Variants in RNF20 observed in about 807,000 individuals in gnomAD.
RNF20 encodes the protein E3 ubiquitin-protein ligase BRE1A.
Under a neutral mutation model 126.2 loss-of-function variants are expected in RNF20, and 84 were observed. That is an observed-to-expected ratio of 0.67 (90% CI 0.56 to 0.80). The LOEUF (loss-of-function observed/expected upper bound fraction) is 0.80. RNF20 is among the 30% of genes least tolerant of loss of function. The probability of loss-of-function intolerance (pLI) is 0.00; values close to 1 mark genes in which losing one functional copy is unlikely to be tolerated. For missense variants in RNF20, 869 were observed against 1,188.2 expected, an observed-to-expected ratio of 0.73 and a Z score of 3.95; for synonymous variants, 400 against 414.3, an observed-to-expected ratio of 0.97 and a Z score of 0.42.
At chr9:101,553,260 A>G (rs1827477898) in intron 13 of RNF20, among the ~76,000 whole-genome samples, 1 of 152,166 alleles carries the variant, frequency 6.6e-6, no homozygotes, top group Non-Finnish European at 1.5e-5. Context: ...TAACTTGTTG[A>G]ATTTTTCTGT....
At chr9:101,544,657 A>G (rs1827318417) in intron 5 of RNF20, 110 bp from the exon 6 acceptor site, 5 of 684,894 alleles carry the variant, frequency 7.3e-6, no homozygotes, top group Admixed American at 7.1e-5. Flanking sequence ...CAGTGAGCCG[A>G]GATCGCGCCA....
chr9:101,547,131 C>T lies in RNF20; in HGVS notation c.895-6C>T. On this transcript the variant is annotated splice_region_variant and splice_polypyrimidine_tract_variant and intron_variant, in intron 7 of 19. Coordinates refer to ENST00000389120, the MANE Select transcript of RNF20 (RefSeq NM_019592.7). ...TCTCACTAAAGAATCTTTGTGTTCT[C>T]TGTAGGTGAATTCCAAAGGTTATAA... 6.2e-7 allele frequency: 1 copy of T among 1,613,624 alleles called. No homozygotes were observed. The highest frequency in any genetic ancestry group is 1.1e-5 in the South Asian group (1 of 91,074).
chr9:101,562,183 A>G (rs1827638393), intron 19 of RNF20, 63 bp from the exon 20 acceptor site: 5 of 1,546,156 alleles, frequency 3.2e-6, no homozygotes, highest in Non-Finnish European at 4.4e-6. Flanking sequence ...TGTGTAGTAT[A>G]TGAGAGCCAT....
At position 101,562,587 on chromosome 9, in the gene RNF20, C is replaced by G. The variant is rs1588228665; in HGVS notation, c.*165C>G. Reference sequence around the variant, plus strand: ...GCTCTCCTCTTCAGTAGCTGGATGACTTTAGCAGAAAGGACTGGTAAATAC... The same window carrying G: ...GCTCTCCTCTTCAGTAGCTGGATGAGTTTAGCAGAAAGGACTGGTAAATAC... On this transcript the variant is annotated 3_prime_UTR_variant, in exon 20 of 20. Coordinates refer to ENST00000389120, the MANE Select transcript of RNF20 (RefSeq NM_019592.7). The G allele has an allele frequency of 1.7e-6, 1 of 596,922 alleles. No homozygotes were observed. The highest frequency in any genetic ancestry group is 2.9e-5 in the East Asian group (1 of 34,906). The allele number at this position is 596,922 out of a possible 1,614,324, so 37.0% of individuals were successfully genotyped here.
rs778091847 is a variant in RNF20, at chr9:101,547,387, G to C, written c.973-12G>C. ...ATACTTATTTATTCTCTATTTTTCT[G>C]CTTCTCTGCAGTTTGAGGAAATGAA... On this transcript the variant is annotated splice_polypyrimidine_tract_variant and intron_variant, in intron 8 of 19. Coordinates refer to ENST00000389120, the MANE Select transcript of RNF20 (RefSeq NM_019592.7). 6.2e-7 allele frequency: 1 copy of C among 1,613,566 alleles called. No homozygotes were observed. Among genetic ancestry groups the C allele is most frequent in the South Asian group, 1.1e-5 (1 of 90,944 alleles).
At position 101,554,850 on chromosome 9, in the gene RNF20, T is replaced by G. The variant is rs781354983; in HGVS notation, c.2169+7T>G. ...GCTAGCCATGGCCAAGCAGGTGGAC[T>G]CACTTTCTTTATTTAATTGACTTTT... On this transcript the variant is annotated splice_region_variant and intron_variant, in intron 15 of 19. Transcript: ENST00000389120. 7.1e-7 allele frequency: 1 copy of G among 1,400,482 alleles called. No homozygotes were observed. The highest frequency in any genetic ancestry group is 1.8e-5 in the South Asian group (1 of 54,902). The allele number at this position is 1,400,482 out of a possible 1,614,324, so 86.8% of individuals were successfully genotyped here.
At chr9:101,561,315 A>G in intron 18 of RNF20, 85 bp downstream of exon 18, 1 of 1,361,612 alleles carries the variant, frequency 7.3e-7, no homozygotes, top group Admixed American at 2.0e-5. Context: ...TCATTAGTCC[A>G]ATGTATGTCA....
chr9:101,554,691 T>C lies in RNF20; in HGVS notation c.2020-3T>C, dbSNP rs765559134. On this transcript the variant is annotated splice_region_variant and splice_polypyrimidine_tract_variant and intron_variant, in intron 14 of 19. Transcript: ENST00000389120. Reference sequence around the variant, plus strand: ...TTTTTGTGCAATTCCTTTCCTCTTATAGTTGGAAGATCTAAGGCAAAGACT... The same window carrying C: ...TTTTTGTGCAATTCCTTTCCTCTTACAGTTGGAAGATCTAAGGCAAAGACT... 1.2e-6 allele frequency: 2 copies of C among 1,610,542 alleles called. No individual in the cohort carries two copies. Among genetic ancestry groups the C allele is most frequent in the Non-Finnish European group, 1.7e-6 (2 of 1,177,864 alleles).
At chr9:101,538,421 A>G (rs550700130) in intron 2 of RNF20, among the ~76,000 whole-genome samples, 16 of 152,270 alleles carry the variant, frequency 1.1e-4, no homozygotes, top group African/African-American at 2.9e-4. Flanking sequence ...TCAACAGAGC[A>G]TGGCGGCAGG....
Position 101,547,120 on chromosome 9 carries a change from C to T in RNF20, c.895-17C>T, listed in dbSNP as rs1827363552. ...TCTTAAGAGTCTCTCACTAAAGAAT[C>T]TTTGTGTTCTCTGTAGGTGAATTCC... On this transcript the variant is annotated splice_polypyrimidine_tract_variant and intron_variant, in intron 7 of 19. Coordinates refer to ENST00000389120, the MANE Select transcript of RNF20 (RefSeq NM_019592.7). The T allele has an allele frequency of 5.0e-6, 8 of 1,613,090 alleles. No homozygotes were observed. The highest frequency in any genetic ancestry group is 5.9e-6 in the Non-Finnish European group (7 of 1,179,060).
chr9:101,559,991 G>T (rs1246485921), intron 16 of RNF20, among the ~76,000 whole-genome samples: 1 of 152,120 alleles, frequency 6.6e-6, no homozygotes, highest in African/African-American at 2.4e-5. Context: ...TTCTCAGGGG[G>T]AATGCTTTCA....
intron 6 of RNF20, among the ~76,000 whole-genome samples, chr9:101,545,917 T>C (rs560085947): frequency 6.6e-6 from 1 of 152,284 alleles, no homozygotes; most frequent in African/African-American, 2.4e-5. Flanking sequence ...GCCTGTCAGC[T>C]GGGTTAATTG....
At chr9:101,535,602 A>C (rs773726959) in intron 2 of RNF20, 50 bp downstream of exon 2, 2 of 1,570,750 alleles carry the variant, frequency 1.3e-6, no homozygotes, top group South Asian at 1.2e-5. Flanking sequence ...GTCAGTTGCA[A>C]CTTGAAACTA....
Position 101,561,228 on chromosome 9 carries a change from C to T in RNF20, c.2647C>T (p.Gln883Ter). 1 of 1,613,366 alleles carries T rather than the reference C, an allele frequency of 6.2e-7. No homozygotes were observed. The highest frequency in any genetic ancestry group is 2.2e-5 in the East Asian group (1 of 44,868). ...EKDMFNFKRA[Q>*]EDISRLRRKL... The stretch of plus-strand genomic sequence containing the variant: ...GGACATGTTCAATTTCAAACGAGCC[C>T]AGGTAAAAGCAGTTGTCTTTTCTTG... Residue 883 changes from glutamine (Q) to a stop codon, truncating the protein, a stop_gained and splice_region_variant, in exon 18 of 20, where the codon CAG becomes TAG. Transcript: ENST00000389120. LOFTEE classifies it high-confidence loss of function.
Position 101,560,802 on chromosome 9 carries a change from T to C in RNF20, c.2384T>C (p.Val795Ala), listed in dbSNP as rs762876008. ...TAAAATCTGATTTTCTGTTCAAAGG[T>C]TGATGCCCAGCTACAGGTAGTAAGG... ...ADQVLTLKTQ[V>A]DAQLQVVRKL... The change falls in exon 17 of 20, where the codon GTT (valine) becomes GCT (alanine). Residue 795 changes from valine to alanine, a missense_variant and splice_region_variant. By Grantham distance (64) the Val-to-Ala change is moderately conservative (BLOSUM62 0). Coordinates refer to ENST00000389120, the MANE Select transcript of RNF20 (RefSeq NM_019592.7). The C allele has an allele frequency of 3.1e-6, 5 of 1,606,958 alleles. No individual in the cohort carries two copies. Among genetic ancestry groups the C allele is most frequent in the Non-Finnish European group, 4.2e-6 (5 of 1,177,902 alleles).
At position 101,561,040 on chromosome 9, in the gene RNF20, G is replaced by A. The variant is rs767492170; in HGVS notation, c.2509-50G>A. On this transcript the variant is annotated intron_variant, in intron 17 of 19. Transcript: ENST00000389120. ...ACTTGGGCTAACATTTTGCCTCACT[G>A]GCAATAATAGGTGATACAATGGTGT... 26 of 1,604,744 alleles carry A rather than the reference G, an allele frequency of 1.6e-5. No homozygotes were observed. The Admixed American group carries it at 3.2e-4, about 20-fold the overall frequency.
chr9:101,551,257 G>T (rs943716821), intron 10 of RNF20, among the ~76,000 whole-genome samples: 3 of 152,168 alleles, frequency 2.0e-5, no homozygotes, highest in Admixed American at 6.6e-5. Flanking sequence ...GAAAATAGTG[G>T]GTAGAAGCTG....
At chr9:101,561,266 T>A (rs759863517) in intron 18 of RNF20, 36 bp downstream of exon 18, 7 of 1,607,920 alleles carry the variant, frequency 4.4e-6, no homozygotes. Context: ...ACCTTTTAGG[T>A]GTTTTCTGAG....
rs557385502 is a variant in RNF20, at chr9:101,545,794, G to A, written c.747+909G>A. On this transcript the variant is annotated intron_variant, in intron 6 of 19. Coordinates refer to ENST00000389120, the MANE Select transcript of RNF20 (RefSeq NM_019592.7). ...TGACTAGGTGCTACCAAGATGGAGA[G>A]GTCTTCCTTTTCTAGCCCTTTGACA... 3.3e-5 allele frequency among the ~76,000 whole-genome samples: 5 copies of A among 152,294 alleles called. No homozygotes were observed. In the East Asian group the frequency reaches 9.6e-4, roughly 29 times the overall value.
Sources: allele counts gnomAD v4.1 joint callset (sites outside exome capture counted in the v4.1 genomes callset), GRCh38; gene constraint gnomAD v4.1.1; transcripts MANE v1.5; gene names NCBI Gene and HGNC (gene_info 2026-07-23, HGNC 2026-07-21).